Variants in PSMA6 observed in about 807,000 individuals in gnomAD.
The protein encoded by PSMA6 is proteasome 20S subunit alpha 6, also known as proteasome subunit alpha type-6.
For missense variants in PSMA6, 170 were observed against 294.8 expected, an observed-to-expected ratio of 0.58 and a Z score of 3.10; for synonymous variants, 88 against 97.7, an observed-to-expected ratio of 0.90 and a Z score of 0.59.
chr14:35,291,845 A>AAAAAAAAAAC (rs1555335877), upstream of PSMA6, among the ~76,000 whole-genome samples: 1 of 146,452 alleles, frequency 6.8e-6, no homozygotes, highest in African/African-American at 2.5e-5. Flanking sequence ...AAAAAAAAAA[A>AAAAAAAAAAC]AAGACTAAAA....
chr14:35,314,252 A>G, intron 5 of PSMA6, 109 bp from the exon 6 acceptor site: 1 of 1,261,716 alleles, frequency 7.9e-7, no homozygotes, highest in Non-Finnish European at 1.0e-6. Flanking sequence ...GAACTACCTC[A>G]TTGAAACATG....
upstream of PSMA6, chr14:35,292,258 CA>C: frequency 7.4e-7 from 1 of 1,355,772 alleles, no homozygotes; most frequent in South Asian, 1.7e-5. Context: ...CGCATACCTT[CA>C]AAGGCCTCCC....
intron 1 of PSMA6, among the ~76,000 whole-genome samples, chr14:35,303,063 T>G (rs1185441361): frequency 6.6e-6 from 1 of 152,210 alleles, no homozygotes; most frequent in Admixed American, 6.5e-5. Flanking sequence ...GTTTTTTAGT[T>G]TGACTTGATT....
At chr14:35,310,247 C>G (rs1315897224) in intron 3 of PSMA6, 11 of 429,188 alleles carry the variant, frequency 2.6e-5, no homozygotes, top group African/African-American at 6.3e-5. Context: ...TGCTCCGCCT[C>G]CTGGGTTCAA....
intron 1 of PSMA6, among the ~76,000 whole-genome samples, chr14:35,298,757 A>C (rs1283885539): frequency 1.3e-5 from 2 of 151,790 alleles, no homozygotes; most frequent in Non-Finnish European, 2.9e-5. Flanking sequence ...TTTTGGAGAC[A>C]GAGTTTCACT....
At chr14:35,291,715 C>T (rs1436119402), upstream of PSMA6, among the ~76,000 whole-genome samples, 1 of 149,462 alleles carries the variant, frequency 6.7e-6, no homozygotes, top group Non-Finnish European at 1.5e-5. Flanking sequence ...CCCAGCTACT[C>T]GGGAGGATGA....
chr14:35,308,946 C>G lies in PSMA6; in HGVS notation c.204C>G (p.His68Gln), dbSNP rs947175085. 1 of 1,610,204 alleles carries G rather than the reference C, an allele frequency of 6.2e-7. No individual in the cohort carries two copies. The change falls in exon 3 of 7, where the codon CAC (histidine) becomes CAG (glutamine). Residue 68 changes from histidine (H) to glutamine (Q), a missense_variant. His to Gln is a conservative substitution (Grantham distance 24). Transcript: ENST00000261479. ...DKLLDSSTVT[H>Q]LFKITENIGC... ...TATTGGATTCCAGCACAGTGACTCA[C>G]TTATTCAAGATAACTGAAAACATTG...
chr14:35,309,109 G>A, intron 3 of PSMA6, 114 bp downstream of exon 3: 3 of 777,066 alleles, frequency 3.9e-6, no homozygotes, highest in Non-Finnish European at 2.1e-6. Flanking sequence ...ATTTTCAAGT[G>A]CCATGAGTGG....
chr14:35,312,921 G>C lies in PSMA6; in HGVS notation c.450G>C (p.Gln150His). 3.8e-6 allele frequency: 6 copies of C among 1,596,142 alleles called. No individual in the cohort carries two copies. The highest frequency in any genetic ancestry group is 5.1e-6 in the Non-Finnish European group (6 of 1,173,688). ...GTATAGATGAAGAGCAAGGCCCTCA[G>C]GTATATAAGTGTGATCCTGCAGGTT... Reference protein sequence around the residue: ...LIGIDEEQGPQVYKCDPAGYY... With the variant: ...LIGIDEEQGPHVYKCDPAGYY... Residue 150 changes from glutamine to histidine, a missense_variant, in exon 5 of 7, where the codon CAG becomes CAC. Gln to His is a conservative substitution (Grantham distance 24). Coordinates refer to ENST00000261479, the MANE Select transcript of PSMA6 (RefSeq NM_002791.3).
intron 4 of PSMA6, 47 bp downstream of exon 4, chr14:35,310,942 T>G (rs1438984655): frequency 6.4e-7 from 1 of 1,560,322 alleles, no homozygotes; most frequent in Non-Finnish European, 8.8e-7. Context: ...ATTGAAACTT[T>G]TTACAGAACA....
At chr14:35,313,417 C>T in intron 5 of PSMA6, 1 of 165,714 alleles carries the variant, frequency 6.0e-6, no homozygotes, top group Non-Finnish European at 1.3e-5. Flanking sequence ...CTATTTACTG[C>T]CAAGAAATTA....
At chr14:35,295,938 G>T (rs2051578660) in intron 1 of PSMA6, among the ~76,000 whole-genome samples, 1 of 152,146 alleles carries the variant, frequency 6.6e-6, no homozygotes, top group Admixed American at 6.5e-5. Flanking sequence ...CTGGCTACTT[G>T]TAGGCCCTTC....
chr14:35,292,420 C>G lies in PSMA6; in HGVS notation c.-57C>G. The G allele has an allele frequency of 3.2e-6, 5 of 1,577,368 alleles. No homozygotes were observed. The highest frequency in any genetic ancestry group is 4.3e-6 in the Non-Finnish European group (5 of 1,162,618). On this transcript the variant is annotated 5_prime_UTR_variant, in exon 1 of 7. Coordinates refer to ENST00000261479, the MANE Select transcript of PSMA6 (RefSeq NM_002791.3). Reference sequence around the variant, plus strand: ...GCAACTTCCGGGAGGTGCTTGTGTGCCTGGTGCGGGAGCTACGGGGCCCAG... The same window carrying G: ...GCAACTTCCGGGAGGTGCTTGTGTGGCTGGTGCGGGAGCTACGGGGCCCAG...
chr14:35,292,144 C>G (rs1298685758), upstream of PSMA6, among the ~76,000 whole-genome samples: 2 of 152,226 alleles, frequency 1.3e-5, no homozygotes, highest in African/African-American at 2.4e-5. Flanking sequence ...CCCCAGGAAG[C>G]CTTTTCGTCC....
At chr14:35,280,440 G>A (rs891701464) in intron 1 of PSMA6, among the ~76,000 whole-genome samples, 37 of 147,816 alleles carry the variant, frequency 2.5e-4, no homozygotes, top group African/African-American at 9.0e-4. Flanking sequence ...GGAGCTCAGT[G>A]GCGTCAATTT....
chr14:35,278,843 T>G (rs899226719), intron 1 of PSMA6: 1 of 1,114,352 alleles, frequency 9.0e-7, no homozygotes, highest in Non-Finnish European at 1.3e-6. Flanking sequence ...GTTGCTTTTT[T>G]TTCTATCCTG....
chr14:35,295,689 TG>T (rs2051572935), intron 1 of PSMA6, among the ~76,000 whole-genome samples: 1 of 152,162 alleles, frequency 6.6e-6, no homozygotes, highest in South Asian at 2.1e-4. Context: ...TGACTTCAGG[TG>T]ATCCACCCAC....
At chr14:35,312,227 C>CCAGATG (rs2051957276) in intron 4 of PSMA6, among the ~76,000 whole-genome samples, 1 of 150,156 alleles carries the variant, frequency 6.7e-6, no homozygotes, top group South Asian at 2.1e-4. Flanking sequence ...AAAAGGTTGG[C>CCAGATG]CAGATGCAGT....
At chr14:35,291,950 T>G (rs2051489961), upstream of PSMA6, among the ~76,000 whole-genome samples, 2 of 151,646 alleles carry the variant, frequency 1.3e-5, no homozygotes, top group Non-Finnish European at 1.5e-5. Flanking sequence ...CTTCAGTGCC[T>G]AAATTTAACG....
Sources: allele counts gnomAD v4.1 joint callset (sites outside exome capture counted in the v4.1 genomes callset), GRCh38; gene constraint gnomAD v4.1.1; transcripts MANE v1.5; gene names NCBI Gene and HGNC (gene_info 2026-07-23, HGNC 2026-07-21).